CCDC57: variants seen among roughly 807,000 people sequenced by gnomAD.
CCDC57 encodes coiled-coil domain-containing protein 57.
In CCDC57, 118 loss-of-function variants were observed where a neutral mutation model predicts 118.9. The ratio of observed to expected loss-of-function variants is 0.99; its 90% CI spans 0.86 to 1.16. CCDC57 has a LOEUF of 1.16. Ranked by LOEUF, CCDC57 falls within the 50% of genes most tolerant of loss-of-function variation. The pLI, the probability that CCDC57 is intolerant of heterozygous loss-of-function variation, is 0.00. For synonymous variants in CCDC57, 527 were observed against 532.9 expected, an observed-to-expected ratio of 0.99 and a Z score of 0.15; for missense variants, 1,300 against 1,320.7, an observed-to-expected ratio of 0.98 and a Z score of 0.24.
At chr17:82,189,765 A>G (rs1289135647) in intron 7 of CCDC57, among the ~76,000 whole-genome samples, 1 of 152,214 alleles carries the variant, frequency 6.6e-6, no homozygotes, top group Non-Finnish European at 1.5e-5. Flanking sequence ...AGGCAGGAGA[A>G]TTGCTCGAAC....
chr17:82,121,253 C>T (rs1168982787), intron 19 of CCDC57, among the ~76,000 whole-genome samples: 1 of 152,186 alleles, frequency 6.6e-6, no homozygotes, highest in Non-Finnish European at 1.5e-5. Context: ...TAAATACCAG[C>T]CACCCTGTCT....
chr17:82,152,894 T>C (rs1184863918), intron 15 of CCDC57, among the ~76,000 whole-genome samples: 1 of 152,156 alleles, frequency 6.6e-6, no homozygotes, highest in Non-Finnish European at 1.5e-5. Flanking sequence ...TGTGGGACGC[T>C]CGGGGGCCGC....
intron 19 of CCDC57, chr17:82,113,465 G>A: frequency 1.4e-6 from 1 of 717,592 alleles, no homozygotes; most frequent in Admixed American, 2.0e-5. Flanking sequence ...CTCCTTCCTG[G>A]ACAGCAGGAC....
intron 14 of CCDC57, among the ~76,000 whole-genome samples, chr17:82,161,752 C>T (rs9898507): frequency 0.47 from 70,677 of 151,470 alleles, 17,259 homozygotes; most frequent in East Asian, 0.88. Context: ...GAAGGGGTGA[C>T]ACTGCTGTGT....
At chr17:82,158,994 A>T (rs1197572756) in intron 14 of CCDC57, among the ~76,000 whole-genome samples, 1 of 152,184 alleles carries the variant, frequency 6.6e-6, no homozygotes, top group East Asian at 1.9e-4. Flanking sequence ...CAGCCTCCTG[A>T]GTAGCTGGGA....
intron 14 of CCDC57, among the ~76,000 whole-genome samples, chr17:82,162,864 G>A (rs1599050315): frequency 1.4e-5 from 2 of 143,158 alleles, no homozygotes; most frequent in African/African-American, 5.2e-5. Context: ...CCCTCTGAGC[G>A]GGCAGGTGGC....
chr17:82,180,701 T>C (rs2046098182), intron 9 of CCDC57, among the ~76,000 whole-genome samples: 1 of 152,180 alleles, frequency 6.6e-6, no homozygotes, highest in African/African-American at 2.4e-5. Context: ...CGTCTCGATC[T>C]CCTGACCTCG....
At chr17:82,154,853 C>T (rs528856404) in intron 15 of CCDC57, 1 of 152,534 alleles carries the variant, frequency 6.6e-6, no homozygotes, top group Admixed American at 6.5e-5. Context: ...GCTGTCTCTC[C>T]TGTGCAGGGT....
chr17:82,131,116 G>A (rs2038298533), intron 17 of CCDC57, among the ~76,000 whole-genome samples: 1 of 150,446 alleles, frequency 6.6e-6, no homozygotes, highest in South Asian at 2.1e-4. Context: ...CCCAAATACT[G>A]GCCACATTTT....
At chr17:82,126,377 T>C (rs1247031496) in intron 19 of CCDC57, 11 of 976,928 alleles carry the variant, frequency 1.1e-5, no homozygotes, top group African/African-American at 1.8e-5. Context: ...ATAATAAACA[T>C]TTAAAAACAT....
At chr17:82,120,916 C>T (rs959954401) in intron 19 of CCDC57, among the ~76,000 whole-genome samples, 6 of 152,124 alleles carry the variant, frequency 3.9e-5, no homozygotes, top group South Asian at 2.1e-4. Context: ...CCACCACGCC[C>T]GGCTAATTTT....
intron 2 of CCDC57, among the ~76,000 whole-genome samples, chr17:82,204,076 G>A (rs1019630669): frequency 6.6e-6 from 1 of 152,150 alleles, no homozygotes; most frequent in African/African-American, 2.4e-5. Flanking sequence ...CTGGGGGCAC[G>A]AGGGCTCCCT....
At chr17:82,148,932 ATGGG>A (rs753051010) in intron 16 of CCDC57, among the ~76,000 whole-genome samples, 1,080 of 53,644 alleles carry the variant, frequency 0.02, no homozygotes, top group Non-Finnish European at 0.021. Context: ...GGGTGGATGG[ATGGG>A]TGGGTGGGTG....
intron 14 of CCDC57, chr17:82,160,261 T>C (rs2043155163): frequency 6.6e-6 from 1 of 152,296 alleles, no homozygotes; most frequent in Non-Finnish European, 1.5e-5. Flanking sequence ...GGAGACATGA[T>C]CAACAGGACT....
chr17:82,111,079 CTTTG>C (rs571881263), intron 19 of CCDC57, among the ~76,000 whole-genome samples: 1,564 of 152,108 alleles, frequency 0.01, 24 homozygotes, highest in African/African-American at 0.036. Context: ...CAAAGACAGA[CTTTG>C]TTTGTTTGTT....
intron 14 of CCDC57, 41 bp downstream of exon 13, chr17:82,163,159 G>A (rs374657459): frequency 3.4e-5 from 55 of 1,598,818 alleles, no homozygotes; most frequent in Middle Eastern, 1.7e-4. Flanking sequence ...CCCCAGCAGC[G>A]GCTCTCTAGG....
intron 14 of CCDC57, 140 bp downstream of exon 13, chr17:82,163,060 C>T (rs2043538510): frequency 9.4e-7 from 1 of 1,064,092 alleles, no homozygotes; most frequent in African/African-American, 1.6e-5. Flanking sequence ...CAGCCCCTTC[C>T]TCAGAAAAAA....
At chr17:82,142,229 G>A (rs116297267) in intron 16 of CCDC57, among the ~76,000 whole-genome samples, 2,326 of 152,190 alleles carry the variant, frequency 0.015, 62 homozygotes, top group African/African-American at 0.053. Context: ...TTAAACCTCA[G>A]TAAGGACACT....
chr17:82,211,731 C>T (rs954539386), intron 1 of CCDC57, among the ~76,000 whole-genome samples: 1 of 152,050 alleles, frequency 6.6e-6, no homozygotes, highest in African/African-American at 2.4e-5. Context: ...CGCTTGCAGC[C>T]CCTTGTCCCC....
Sources: allele counts gnomAD v4.1 joint callset (sites outside exome capture counted in the v4.1 genomes callset), GRCh38; gene constraint gnomAD v4.1.1; transcripts MANE v1.5; gene names NCBI Gene and HGNC (gene_info 2026-07-23, HGNC 2026-07-21).